The following STX3 variants were observed in gnomAD, a reference collection of about 807,000 sequenced individuals.
The protein encoded by STX3 is syntaxin-3.
STX3 carries 19 observed loss-of-function variants against 40.2 expected under a neutral mutation model. The observed-to-expected ratio is 0.47, with a 90% CI of 0.33 to 0.69. The LOEUF is 0.69. STX3 is among the 30% of genes least tolerant of loss of function. STX3 has a pLI of 0.02. For missense variants in STX3, 364 were observed against 366.7 expected (o/e 0.99, Z 0.06); for synonymous variants, 122 against 132.2 (o/e 0.92, Z 0.53).
chr11:59,770,306 GTGTT>G (rs1027433425), intron 1 of STX3, among the ~76,000 whole-genome samples: 2 of 139,964 alleles, frequency 1.4e-5, no homozygotes, highest in Admixed American at 7.2e-5. Flanking sequence ...TGTAGGGTGT[GTGTT>G]TATATGTAGC....
intron 1 of STX3, among the ~76,000 whole-genome samples, chr11:59,772,297 T>TGAACAG (rs1354961826): frequency 6.6e-6 from 1 of 152,178 alleles, no homozygotes; most frequent in Non-Finnish European, 1.5e-5. Context: ...GGAAGAACAT[T>TGAACAG]GAACAGGAAT....
In STX3 at chr11:59,802,991, G is replaced by T. The variant is rs1455716313; in HGVS notation, c.*2167G>T. The T allele has an allele frequency of 2.0e-6, 2 of 984,436 alleles. No homozygotes were observed. Among genetic ancestry groups the T allele is most frequent in the Non-Finnish European group, 1.2e-6 (1 of 829,808 alleles). The allele number at this position is 984,436 out of a possible 1,614,324, so 61.0% of individuals were successfully genotyped here. On this transcript the variant is annotated 3_prime_UTR_variant, in exon 11 of 11. Coordinates refer to ENST00000337979, the MANE Select transcript of STX3 (RefSeq NM_004177.5). ...GATCTGTCACGATGTTATCTAGAAG[G>T]TGGAATGACCATACCAAACATCCTT... is the stretch of plus-strand genomic sequence containing the variant.
intron 2 of STX3, among the ~76,000 whole-genome samples, chr11:59,776,432 T>C (rs1305916454): frequency 2.6e-5 from 4 of 152,188 alleles, no homozygotes; most frequent in Non-Finnish European, 5.9e-5. Context: ...ACAAAGTTTA[T>C]TTTATAGAAT....
In STX3 at chr11:59,790,514, T is replaced by G; in HGVS notation, c.290-5T>G. On this transcript the variant is annotated splice_region_variant and splice_polypyrimidine_tract_variant and intron_variant, in intron 4 of 10. Coordinates refer to ENST00000337979, the MANE Select transcript of STX3 (RefSeq NM_004177.5). ...TTGCAAGTATAACCTTCCTCTCCTCTTTAGGCATGGAGAAGCATATTGAAG... is the reference window on the plus strand; with the variant it reads ...TTGCAAGTATAACCTTCCTCTCCTCGTTAGGCATGGAGAAGCATATTGAAG... 1 of 1,612,414 alleles carries G rather than the reference T, an allele frequency of 6.2e-7. No individual in the cohort carries two copies. Among genetic ancestry groups the G allele is most frequent in the Non-Finnish European group, 8.5e-7 (1 of 1,178,418 alleles).
chr11:59,794,715 C>A (rs1865415831), intron 8 of STX3, among the ~76,000 whole-genome samples: 1 of 152,202 alleles, frequency 6.6e-6, no homozygotes, highest in South Asian at 2.1e-4. Flanking sequence ...AATGATCAAA[C>A]TTCCCTGTCA....
rs550969958 is a variant in STX3, at chr11:59,801,845, G to T, written c.*1021G>T. On this transcript the variant is annotated 3_prime_UTR_variant, in exon 11 of 11. Transcript: ENST00000337979. ...CTCAAAAAAAAAAAGCCAACTTTGA[G>T]CTAGGATAAAAATTGGGTAAAGGAC... The T allele has an allele frequency of 1.1e-4, 104 of 985,284 alleles. No homozygotes were observed. In the South Asian group the frequency reaches 4.1e-3, roughly 39 times the overall value. The allele number at this position is 985,284 out of a possible 1,614,324, so 61.0% of individuals were successfully genotyped here.
rs986281803 is a variant in STX3 at position 59,802,746 on chromosome 11, G to C, written c.*1922G>C. The C allele has an allele frequency of 1.0e-6, 1 of 985,844 alleles. No individual in the cohort carries two copies. The highest frequency in any genetic ancestry group is 1.2e-6 in the Non-Finnish European group (1 of 830,136). 61.1% of individuals were successfully genotyped at this position (985,844 alleles called of 1,614,324 possible). On this transcript the variant is annotated 3_prime_UTR_variant, in exon 11 of 11. Coordinates refer to ENST00000337979, the MANE Select transcript of STX3 (RefSeq NM_004177.5). ...TCTCGATGCAGAAACACAATGATCT[G>C]GTGCCACCATGTGGTGATTTTTATT...
chr11:59,776,148 G>A lies in STX3; in HGVS notation c.114+2854G>A, dbSNP rs117756542. 2.2e-3 allele frequency among the ~76,000 whole-genome samples: 333 copies of A among 152,294 alleles called. 3 individuals are homozygous for A. Among genetic ancestry groups the A allele is most frequent in the Non-Finnish European group, 3.7e-3 (251 of 68,030 alleles). ...AGAGCACAGAGAGGATAAGGCCTTG[G>A]GGGAGTGGGGAGAAGTAAGAGGGAG... On this transcript the variant is annotated intron_variant, in intron 2 of 10. Transcript: ENST00000337979.
intron 2 of STX3, among the ~76,000 whole-genome samples, chr11:59,779,166 GT>G (rs1043732474): frequency 1.3e-5 from 2 of 152,134 alleles, no homozygotes; most frequent in African/African-American, 4.8e-5. Context: ...TGCTGTCTTA[GT>G]TTGGGCTGCT....
intron 2 of STX3, among the ~76,000 whole-genome samples, chr11:59,775,650 AT>A (rs1863924126): frequency 6.6e-6 from 1 of 152,196 alleles, no homozygotes; most frequent in Non-Finnish European, 1.5e-5. Flanking sequence ...TGCTCTGGAA[AT>A]TGGGAGTGTT....
At chr11:59,793,346 G>C (rs1865318701) in intron 7 of STX3, 34 bp from the exon 8 acceptor site, 1 of 1,604,672 alleles carries the variant, frequency 6.2e-7, no homozygotes, top group Non-Finnish European at 8.5e-7. Context: ...TTTCTTGCAG[G>C]GGTAGCTAAC....
chr11:59,803,286 A>G lies in STX3; in HGVS notation c.*2462A>G. ...TCTTAGCTTCCACCATTGGGAGCAT[A>G]TTTGCCTGAAAAAGGTGAGCCATCT... is the stretch of plus-strand genomic sequence containing the variant. On this transcript the variant is annotated 3_prime_UTR_variant, in exon 11 of 11. Transcript: ENST00000337979. 9 of 1,231,628 alleles carry G rather than the reference A, an allele frequency of 7.3e-6. No individual in the cohort carries two copies. Among genetic ancestry groups the G allele is most frequent in the Non-Finnish European group, 9.1e-6 (9 of 987,952 alleles). The allele number at this position is 1,231,628 out of a possible 1,614,324, so 76.3% of individuals were successfully genotyped here.
intron 1 of STX3, among the ~76,000 whole-genome samples, chr11:59,761,113 C>CTT (rs1165757448): frequency 6.6e-6 from 1 of 152,202 alleles, no homozygotes; most frequent in African/African-American, 2.4e-5. Flanking sequence ...GAAGCCAGAC[C>CTT]TTACAGGTCC....
At chr11:59,786,542 G>T (rs763647634) in intron 2 of STX3, among the ~76,000 whole-genome samples, 1 of 151,688 alleles carries the variant, frequency 6.6e-6, no homozygotes, top group Non-Finnish European at 1.5e-5. Context: ...GAACCACCGC[G>T]CCTGGCCTAT....
chr11:59,784,184 C>G (rs1192990340), intron 2 of STX3, among the ~76,000 whole-genome samples: 1 of 152,212 alleles, frequency 6.6e-6, no homozygotes, highest in Non-Finnish European at 1.5e-5. Context: ...GGTCAGAATA[C>G]TCTTCAGTTT....
At chr11:59,785,681 G>T (rs1345162904) in intron 2 of STX3, among the ~76,000 whole-genome samples, 2 of 152,190 alleles carry the variant, frequency 1.3e-5, no homozygotes, top group Non-Finnish European at 2.9e-5. Flanking sequence ...TTTGAAAAAG[G>T]TGAAGTGTCC....
rs74832190 is a variant in STX3 at position 59,788,726 on chromosome 11, C to G, written c.215-147C>G. On this transcript the variant is annotated intron_variant, in intron 3 of 10. Coordinates refer to ENST00000337979, the MANE Select transcript of STX3 (RefSeq NM_004177.5). The stretch of plus-strand genomic sequence containing the variant: ...AATAAGCACTCTGTGATTCTAATGA[C>G]AGATGCTGGGGAGTGCGTAGGGATA... The G allele has an allele frequency of 2.5e-3, 1,314 of 530,474 alleles. 13 individuals are homozygous for G. The highest frequency in any genetic ancestry group is 0.024 in the African/African-American group (1,202 of 50,962). The allele number at this position is 530,474 out of a possible 1,614,324, so 32.9% of individuals were successfully genotyped here. A position where few individuals can be genotyped will look rare whatever the true frequency, so the allele number is the denominator to read the frequency against.
rs1027757262 is a variant in STX3, at chr11:59,802,634, T to A, written c.*1810T>A. ...ATGTGAAGGTTTTTGTTGTTGTTTG[T>A]ATTTTTTAGATGTAAACTTGATTAT... On this transcript the variant is annotated 3_prime_UTR_variant, in exon 11 of 11. Coordinates refer to ENST00000337979, the MANE Select transcript of STX3 (RefSeq NM_004177.5). The A allele has an allele frequency of 6.1e-6, 6 of 985,882 alleles. No homozygotes were observed. Among genetic ancestry groups the A allele is most frequent in the Non-Finnish European group, 7.2e-6 (6 of 829,918 alleles). 61.1% of individuals were successfully genotyped at this position (985,882 alleles called of 1,614,324 possible).
rs529124567 is a variant in STX3, at chr11:59,802,360, C to T, written c.*1536C>T. The stretch of plus-strand genomic sequence containing the variant: ...GATTTTGGGTACCATGTATATTTTC[C>T]GCTTTGACTTTAACGCTTTCTAGGA... On this transcript the variant is annotated 3_prime_UTR_variant, in exon 11 of 11. Coordinates refer to ENST00000337979, the MANE Select transcript of STX3 (RefSeq NM_004177.5). 152 of 985,478 alleles carry T rather than the reference C, an allele frequency of 1.5e-4. No homozygotes were observed. Among genetic ancestry groups the T allele is most frequent in the Non-Finnish European group, 1.5e-4 (125 of 829,950 alleles). The allele number at this position is 985,478 out of a possible 1,614,324, so 61.0% of individuals were successfully genotyped here.
Sources: gnomAD v4.1 joint callset for allele counts (sites outside exome capture counted in the v4.1 genomes callset) on GRCh38, gnomAD v4.1.1 for gene constraint, MANE v1.5 for transcripts, NCBI Gene and HGNC (gene_info 2026-07-23, HGNC 2026-07-21) for gene names.